USP40: variants seen among roughly 807,000 people sequenced by gnomAD.
USP40 encodes ubiquitin specific peptidase 40, also known as ubiquitin carboxyl-terminal hydrolase 40.
In USP40, 143 loss-of-function variants were observed where a neutral mutation model predicts 166.2. The observed-to-expected ratio is 0.86, with a 90% CI of 0.75 to 0.99. The LOEUF (loss-of-function observed/expected upper bound fraction) is 0.99. USP40 is among the 50% of genes least tolerant of loss of function. The pLI is 0.00. For synonymous variants in USP40, 498 were observed against 524.0 expected (o/e 0.95, Z 0.68); for missense variants, 1,444 against 1,479.7 (o/e 0.98, Z 0.40).
chr2:233,561,232 G>A (rs1008995156), intron 3 of USP40: 4 of 1,547,886 alleles, frequency 2.6e-6, no homozygotes, highest in Non-Finnish European at 2.6e-6. Context: ...AAGTTCATAT[G>A]GAACCAAAAA....
intron 11 of USP40, among the ~76,000 whole-genome samples, chr2:233,531,825 G>A (rs2068548808): frequency 6.6e-6 from 1 of 152,148 alleles, no homozygotes; most frequent in South Asian, 2.1e-4. Flanking sequence ...TCTCACTGGG[G>A]TTTTTAACTT....
At chr2:233,498,509 G>A (rs925633914) in intron 23 of USP40, 39 bp downstream of exon 23, 4 of 1,571,880 alleles carry the variant, frequency 2.5e-6, no homozygotes, top group Non-Finnish European at 2.6e-6. Context: ...TGACATAAAT[G>A]TAATCATACG....
intron 16 of USP40, 142 bp downstream of exon 16, chr2:233,523,028 T>C: frequency 1.1e-6 from 1 of 937,848 alleles, no homozygotes; most frequent in Non-Finnish European, 1.6e-6. Flanking sequence ...AAAACATTCC[T>C]GTATGCAATA....
chr2:233,529,814 C>CTTTTT lies in USP40; in HGVS notation c.1472-307_1472-303dup, dbSNP rs369071345. On this transcript the variant is annotated intron_variant, in intron 11 of 31. Coordinates refer to ENST00000678225, the MANE Select transcript of USP40 (RefSeq NM_001365479.2). ...ATCTTTTTTTTTTCTTTTTCTTTTT[C>CTTTTT]TTTTTTTTTTTGAGACGGAGTCTCA... Among the ~76,000 whole-genome samples, 61 of 133,948 alleles carry CTTTTT rather than the reference C, an allele frequency of 4.6e-4. 9 individuals carry two copies. The highest frequency in any genetic ancestry group is 7.2e-4 in the Admixed American group (9 of 12,514). 87.9% of individuals were successfully genotyped at this position (133,948 alleles called of 152,430 possible).
intron 23 of USP40, among the ~76,000 whole-genome samples, chr2:233,498,192 C>T (rs1370423782): frequency 3.3e-5 from 5 of 152,180 alleles, no homozygotes; most frequent in Non-Finnish European, 7.3e-5. Flanking sequence ...TACAGAGAAA[C>T]TCTGAGATCA....
chr2:233,494,983 C>CAA (rs1313988398), intron 24 of USP40, among the ~76,000 whole-genome samples: 1 of 76,592 alleles, frequency 1.3e-5, no homozygotes, highest in African/African-American at 4.9e-5. Context: ...TATATATACA[C>CAA]ACACATAAAA....
intron 4 of USP40, among the ~76,000 whole-genome samples, chr2:233,557,328 A>C (rs529592976): frequency 2.0e-5 from 3 of 152,254 alleles, no homozygotes; most frequent in African/African-American, 7.2e-5. Context: ...GCAGAGAGGG[A>C]TATACCAGGC....
rs1055039705 is a variant in USP40, at chr2:233,477,628, A to G, written c.3600-125T>C. 4.8e-5 allele frequency: 39 copies of G among 820,322 alleles called. 1 individual carries two copies. Among genetic ancestry groups the G allele is most frequent in the Middle Eastern group, 6.4e-4 (2 of 3,148 alleles). The allele number at this position is 820,322 out of a possible 1,614,324, so 50.8% of individuals were successfully genotyped here. ...CAAGGACGTGCATTTGCAATTGCACAGACAGATCTCAGCCACCTGCCAGAG... is the reference window on the plus strand; with the variant it reads ...CAAGGACGTGCATTTGCAATTGCACGGACAGATCTCAGCCACCTGCCAGAG... On this transcript the variant is annotated intron_variant, in intron 31 of 31. Coordinates refer to ENST00000678225, the MANE Select transcript of USP40 (RefSeq NM_001365479.2).
chr2:233,490,161 T>C (rs934358299), intron 26 of USP40, among the ~76,000 whole-genome samples: 6 of 111,634 alleles, frequency 5.4e-5, no homozygotes, highest in Admixed American at 1.7e-4. Flanking sequence ...TCTTTTCTCC[T>C]TTTTTTTTTT....
At chr2:233,555,098 CAGG>C (rs2070942724) in intron 5 of USP40, among the ~76,000 whole-genome samples, 1 of 152,106 alleles carries the variant, frequency 6.6e-6, no homozygotes, top group Non-Finnish European at 1.5e-5. Flanking sequence ...GAGGCTGAGG[CAGG>C]AGAATTGCTT....
chr2:233,492,336 G>A (rs1469406210), intron 25 of USP40, among the ~76,000 whole-genome samples: 9 of 152,182 alleles, frequency 5.9e-5, no homozygotes. Flanking sequence ...ACATAATGAT[G>A]AAATCATCTG....
In USP40 at chr2:233,486,091, A is replaced by G. The variant is rs2064930019; in HGVS notation, c.3198-114T>C. The G allele has an allele frequency of 1.7e-6, 2 of 1,182,874 alleles. No homozygotes were observed. Among genetic ancestry groups the G allele is most frequent in the Non-Finnish European group, 2.3e-6 (2 of 857,118 alleles). 73.3% of individuals were successfully genotyped at this position (1,182,874 alleles called of 1,614,324 possible). A position where few individuals can be genotyped will look rare whatever the true frequency, so the allele number is the denominator to read the frequency against. On this transcript the variant is annotated intron_variant, in intron 28 of 31. Coordinates refer to ENST00000678225, the MANE Select transcript of USP40 (RefSeq NM_001365479.2). The surrounding 1 kb of genome is among the most constrained non-coding windows in gnomAD (Gnocchi z 4.0). ...CAGCTTTTCTGGTTTTTATAAGGAGAGATTTTTCCCTAAATGCTGGATGCT... is the reference window on the plus strand; with the variant it reads ...CAGCTTTTCTGGTTTTTATAAGGAGGGATTTTTCCCTAAATGCTGGATGCT...
intron 8 of USP40, among the ~76,000 whole-genome samples, chr2:233,547,397 G>C (rs2070065507): frequency 6.6e-6 from 1 of 152,074 alleles, no homozygotes; most frequent in Admixed American, 6.6e-5. Flanking sequence ...ACAACTGATA[G>C]AATGTCAGAA....
rs1262075115 is a variant in USP40, at chr2:233,533,483, A to AG, written c.1466dup (p.Glu490Ter). The AG allele has an allele frequency of 6.2e-6, 10 of 1,612,652 alleles. No homozygotes were observed. The highest frequency in any genetic ancestry group is 8.5e-6 in the Non-Finnish European group (10 of 1,178,968). On this transcript the variant is annotated frameshift_variant, in exon 11 of 32. Transcript: ENST00000678225. LOFTEE classifies it high-confidence loss of function. ...GGAACATTTTTCTTTCCATACCTTC[A>AG]GGGGGTCTCTGCAACTGGGATTTCC...
chr2:233,481,123 C>T, intron 31 of USP40, 80 bp downstream of exon 31: 1 of 1,356,026 alleles, frequency 7.4e-7, no homozygotes, highest in South Asian at 1.3e-5. Flanking sequence ...TTTCCGGTCC[C>T]TCTCAGTTTC....
intron 23 of USP40, among the ~76,000 whole-genome samples, chr2:233,498,113 G>T (rs1275328816): frequency 6.6e-6 from 1 of 152,164 alleles, no homozygotes; most frequent in Non-Finnish European, 1.5e-5. Flanking sequence ...TAACAGTTTG[G>T]CTGGATCGAG....
intron 13 of USP40, among the ~76,000 whole-genome samples, chr2:233,525,989 T>A (rs569013908): frequency 2.6e-5 from 4 of 152,320 alleles, no homozygotes; most frequent in South Asian, 4.1e-4. Context: ...TTGAAAGGAA[T>A]GTCTCCCATT....
rs2064474308 is a variant in USP40, at chr2:233,480,145, G to A, written c.3599+1058C>T. Among the ~76,000 whole-genome samples the A allele has an allele frequency of 6.6e-6, 1 of 152,126 alleles. No individual in the cohort carries two copies. Among genetic ancestry groups the A allele is most frequent in the Admixed American group, 6.5e-5 (1 of 15,270 alleles). On this transcript the variant is annotated intron_variant, in intron 31 of 31. Coordinates refer to ENST00000678225, the MANE Select transcript of USP40 (RefSeq NM_001365479.2). This position sits in a 1 kb window ranked among gnomAD's most constrained non-coding sequence, Gnocchi z 4.5. ...CACCTGCCCTGCCACCTCCACCTGGGACCTCTCTTCCCCAGACGCCCCCAG... is the reference window on the plus strand; with the variant it reads ...CACCTGCCCTGCCACCTCCACCTGGAACCTCTCTTCCCCAGACGCCCCCAG...
At chr2:233,524,591 C>T (rs2067886718) in intron 14 of USP40, 29 bp from the exon 15 acceptor site, 2 of 1,506,656 alleles carry the variant, frequency 1.3e-6, no homozygotes, top group Non-Finnish European at 1.8e-6. Flanking sequence ...TGAGACCATT[C>T]ATCATGACCA....
Sources: gnomAD v4.1 joint callset for allele counts (sites outside exome capture counted in the v4.1 genomes callset) on GRCh38, gnomAD v4.1.1 for gene constraint, Gnocchi (gnomAD v3.1) non-coding constraint, MANE v1.5 for transcripts, NCBI Gene and HGNC (gene_info 2026-07-23, HGNC 2026-07-21) for gene names.